VPS26C: variants seen among roughly 807,000 people sequenced by gnomAD.
VPS26C encodes VPS26 endosomal protein sorting factor C.
In VPS26C, 19 loss-of-function variants were observed where a neutral mutation model predicts 30.6. That is an observed-to-expected ratio of 0.62 (90% CI 0.43 to 0.91). The LOEUF is 0.91. Among genes scored for constraint, VPS26C ranks in the 40% least tolerant of loss-of-function variants. VPS26C has a pLI of 0.00. For missense variants in VPS26C, 318 were observed against 385.1 expected, an observed-to-expected ratio of 0.83 and a Z score of 1.46; for synonymous variants, 132 against 151.5, an observed-to-expected ratio of 0.87 and a Z score of 0.95.
intron 1 of VPS26C, among the ~76,000 whole-genome samples, chr21:37,258,012 G>T (rs1318671198): frequency 6.6e-6 from 1 of 152,220 alleles, no homozygotes; most frequent in Non-Finnish European, 1.5e-5. Context: ...AGTGTGTGGC[G>T]GAGATGAGAC....
At chr21:37,238,035 A>C (rs2148290509) in intron 3 of VPS26C, among the ~76,000 whole-genome samples, 1 of 152,360 alleles carries the variant, frequency 6.6e-6, no homozygotes, top group Non-Finnish European at 1.5e-5. Flanking sequence ...CTCATTGACA[A>C]GGTTTGTTCA....
chr21:37,229,126 T>C (rs572207679), intron 5 of VPS26C: 2 of 152,320 alleles, frequency 1.3e-5, no homozygotes, highest in African/African-American at 4.8e-5. Flanking sequence ...CTTTGACGCT[T>C]GATGAGAAGC....
At chr21:37,244,396 C>A (rs1008628097) in intron 1 of VPS26C, among the ~76,000 whole-genome samples, 1 of 152,216 alleles carries the variant, frequency 6.6e-6, no homozygotes, top group East Asian at 1.9e-4. Context: ...CACCACCACA[C>A]CCAGCTAATT....
rs921438433 is a variant in VPS26C at position 37,243,456 on chromosome 21, G to A, written c.58-2817C>T. Among the ~76,000 whole-genome samples the A allele has an allele frequency of 5.3e-5, 8 of 152,138 alleles. No homozygotes were observed. The South Asian group carries it at 8.3e-4, about 16-fold the overall frequency. On this transcript the variant is annotated intron_variant, in intron 1 of 7. Transcript: ENST00000309117. ...TTGTCAAGTGGGAGGAGGAAGAGGCGCAGCCCCGTGTGGTGTGCGTGCTCA... is the reference window on the plus strand; with the variant it reads ...TTGTCAAGTGGGAGGAGGAAGAGGCACAGCCCCGTGTGGTGTGCGTGCTCA...
rs2085887096 is a variant in VPS26C, at chr21:37,225,280, AAT to A, written c.*262_*263del. On this transcript the variant is annotated 3_prime_UTR_variant, in exon 8 of 8. Transcript: ENST00000309117. ...AACAGATAAGGCAAGAGCCACAGTC[AAT>A]GTTTTCTGTGAAATGGTCTTGGCAA... 9 of 512,448 alleles carry A rather than the reference AAT, an allele frequency of 1.8e-5. No homozygotes were observed. The East Asian group carries it at 2.9e-4, about 16-fold the overall frequency. The allele number at this position is 512,448 out of a possible 1,614,324, so 31.7% of individuals were successfully genotyped here.
chr21:37,240,759 G>T, intron 1 of VPS26C, 120 bp from the exon 2 acceptor site: 4 of 1,335,052 alleles, frequency 3.0e-6, no homozygotes, highest in Non-Finnish European at 4.0e-6. Flanking sequence ...CATTCACTGA[G>T]ACACCTGGAT....
chr21:37,235,920 G>A (rs1439249515), intron 3 of VPS26C, among the ~76,000 whole-genome samples: 3 of 147,570 alleles, frequency 2.0e-5, no homozygotes, highest in East Asian at 3.9e-4. Flanking sequence ...TAAGAGATGA[G>A]GTATTGCTAT....
At position 37,232,380 on chromosome 21, in the gene VPS26C, T is replaced by C; in HGVS notation, c.504A>G (p.Lys168=). Residue 168 remains lysine, a synonymous_variant, in exon 5 of 8, where the codon AAA becomes AAG. Coordinates refer to ENST00000309117, the MANE Select transcript of VPS26C (RefSeq NM_006052.2). ...TITPETLQNV[K]ERALLPKFLL... is the part of the protein sequence containing the mutation. ...TCGCCTGTGCAGGACGTCTTACCTC[T>C]TTGACGTTCTGTAAGGTTTCAGGTG... 6.2e-7 allele frequency: 1 copy of C among 1,614,054 alleles called. No homozygotes were observed. Among genetic ancestry groups the C allele is most frequent in the Non-Finnish European group, 8.5e-7 (1 of 1,179,934 alleles).
chr21:37,261,537 T>C (rs534597968), intron 1 of VPS26C: 3 of 152,058 alleles, frequency 2.0e-5, no homozygotes, highest in Non-Finnish European at 2.9e-5. Flanking sequence ...GTAATTCTGC[T>C]TGTAAGAAAG....
In VPS26C at chr21:37,225,246, C is replaced by CTCT. The variant is rs1156934716; in HGVS notation, c.*297_*298insAGA. 2.5e-6 allele frequency: 1 copy of CTCT among 405,720 alleles called. No homozygotes were observed. The highest frequency in any genetic ancestry group is 4.6e-6 in the Non-Finnish European group (1 of 217,550). 25.1% of individuals were successfully genotyped at this position (405,720 alleles called of 1,614,324 possible). A position where few individuals can be genotyped will look rare whatever the true frequency, so the allele number is the denominator to read the frequency against. ...TGCTGTCACAATTGTTTTACTGTAC[C>CTCT]TAAAAAGGAACAGATAAGGCAAGAG... is the stretch of plus-strand genomic sequence containing the variant. On this transcript the variant is annotated 3_prime_UTR_variant, in exon 8 of 8. Transcript: ENST00000309117.
chr21:37,227,851 T>C (rs112826316), intron 6 of VPS26C, 45 bp from the exon 7 acceptor site: 18,116 of 1,460,048 alleles, frequency 0.012, 162 homozygotes, highest in East Asian at 0.025. Context: ...CAGCAGAGGC[T>C]GCGGGGTCCA....
intron 1 of VPS26C, among the ~76,000 whole-genome samples, chr21:37,260,552 C>G (rs2086293654): frequency 6.6e-6 from 1 of 152,084 alleles, no homozygotes. Context: ...AAGTTTTCTA[C>G]CCAAGTGGAA....
chr21:37,257,302 G>A lies in VPS26C; in HGVS notation c.57+9936C>T, dbSNP rs968484484. On this transcript the variant is annotated intron_variant, in intron 1 of 7. Transcript: ENST00000309117. The surrounding 1 kb of genome is among the most constrained non-coding windows in gnomAD (Gnocchi z 4.2). ...TGACCTCTCCCTGCGCTCTGGACAGGCAAACAGGCAAGGTTCCCTCTGAGG... is the reference window on the plus strand; with the variant it reads ...TGACCTCTCCCTGCGCTCTGGACAGACAAACAGGCAAGGTTCCCTCTGAGG... 7.2e-5 allele frequency among the ~76,000 whole-genome samples: 11 copies of A among 152,190 alleles called. No homozygotes were observed. The highest frequency in any genetic ancestry group is 6.5e-4 in the Admixed American group (10 of 15,286).
At chr21:37,237,645 G>C (rs1033721345) in intron 3 of VPS26C, 1 of 152,222 alleles carries the variant, frequency 6.6e-6, no homozygotes, top group Non-Finnish European at 1.5e-5. Context: ...CCTCTGGACA[G>C]ATCTCTTAGG....
intron 1 of VPS26C, among the ~76,000 whole-genome samples, chr21:37,256,748 G>C (rs972045568): frequency 6.6e-6 from 1 of 152,204 alleles, no homozygotes; most frequent in Non-Finnish European, 1.5e-5. Flanking sequence ...GTGTAGCTAA[G>C]TTAGAGGACA....
chr21:37,238,512 T>C lies in VPS26C; in HGVS notation c.299A>G (p.Lys100Arg). ...CGTCTCATACAGAACTTTGTTACCCTTCAAGTGCAGAGGAAATTCAAAAGG... is the reference window on the plus strand; with the variant it reads ...CGTCTCATACAGAACTTTGTTACCCCTCAAGTGCAGAGGAAATTCAAAAGG... ...EIPFEFPLHLKGNKVLYETYH... is the reference protein window; with the variant it reads ...EIPFEFPLHLRGNKVLYETYH... Residue 100 changes from lysine to arginine, a missense_variant, in exon 3 of 8, where the codon AAG (lysine) becomes AGG (arginine). Transcript: ENST00000309117. 1.9e-6 allele frequency: 3 copies of C among 1,614,204 alleles called. No individual in the cohort carries two copies. Among genetic ancestry groups the C allele is most frequent in the Non-Finnish European group, 2.5e-6 (3 of 1,180,032 alleles).
At chr21:37,228,094 C>T (rs2085921490) in intron 6 of VPS26C, 129 bp downstream of exon 6, 2 of 1,360,674 alleles carry the variant, frequency 1.5e-6, no homozygotes, top group Admixed American at 2.0e-5. Flanking sequence ...CCACCTCAGC[C>T]TCCTGAGTAG....
At chr21:37,253,679 C>T (rs75567468) in intron 1 of VPS26C, among the ~76,000 whole-genome samples, 301 of 152,212 alleles carry the variant, frequency 2.0e-3, no homozygotes, top group African/African-American at 6.9e-3. Flanking sequence ...CACATATTAA[C>T]AAAATTATGT....
chr21:37,244,197 C>T (rs1008396069), intron 1 of VPS26C, among the ~76,000 whole-genome samples: 20 of 152,240 alleles, frequency 1.3e-4, no homozygotes, highest in African/African-American at 2.7e-4. Flanking sequence ...GCTCTCACAG[C>T]GGAAACCACT....
Sources: allele counts gnomAD v4.1 joint callset (sites outside exome capture counted in the v4.1 genomes callset), GRCh38; gene constraint gnomAD v4.1.1; non-coding constraint Gnocchi (gnomAD v3.1); transcripts MANE v1.5; gene names NCBI Gene and HGNC (gene_info 2026-07-23, HGNC 2026-07-21).